TMTC2: variants seen among roughly 807,000 people sequenced by gnomAD.
TMTC2 encodes the protein transmembrane O-mannosyltransferase targeting cadherins 2, also known as protein O-mannosyl-transferase TMTC2.
Under a neutral mutation model 82.4 loss-of-function variants are expected in TMTC2, and 43 were observed. The observed-to-expected ratio is 0.52, with a 90% CI of 0.41 to 0.67. The LOEUF (loss-of-function observed/expected upper bound fraction) is 0.67. TMTC2 is among the 30% of genes least tolerant of loss of function. The pLI is 0.00. For missense variants in TMTC2, 919 were observed against 1,012.4 expected (o/e 0.91, Z 1.25); for synonymous variants, 408 against 381.9 (o/e 1.07, Z -0.80).
Position 82,896,575 on chromosome 12 carries a change from C to T in TMTC2, c.1412C>T (p.Ala471Val), listed in dbSNP as rs776775154. ...TLIVFYGLKT[A>V]IRNGDWQNEE... ...ATTGTTTTTTATGGACTCAAGACTGCGATCAGGAATGGAGACTGGCAGAAT... is the reference window on the plus strand; with the variant it reads ...ATTGTTTTTTATGGACTCAAGACTGTGATCAGGAATGGAGACTGGCAGAAT... Residue 471 changes from alanine to valine, a missense_variant, in exon 3 of 12, where the codon GCG (alanine) becomes GTG (valine). Coordinates refer to ENST00000321196, the MANE Select transcript of TMTC2 (RefSeq NM_152588.3). 1.1e-5 allele frequency: 18 copies of T among 1,613,822 alleles called. No individual in the cohort carries two copies. Among genetic ancestry groups the T allele is most frequent in the Admixed American group, 5.0e-5 (3 of 59,966 alleles).
At chr12:82,803,764 A>G (rs1358708632) in intron 1 of TMTC2, among the ~76,000 whole-genome samples, 8 of 152,108 alleles carry the variant, frequency 5.3e-5, no homozygotes, top group African/African-American at 1.9e-4. Context: ...AAGGGACGCA[A>G]GACACCGGAA....
intron 1 of TMTC2, among the ~76,000 whole-genome samples, chr12:82,856,005 C>T (rs1052011580): frequency 6.6e-6 from 1 of 152,212 alleles, no homozygotes; most frequent in Non-Finnish European, 1.5e-5. Context: ...TTACTGCTCT[C>T]AACTTGTGTG....
chr12:83,098,708 C>T (rs1012381120), intron 11 of TMTC2, among the ~76,000 whole-genome samples: 1 of 152,116 alleles, frequency 6.6e-6, no homozygotes, highest in African/African-American at 2.4e-5. Flanking sequence ...CAAGGGGGAC[C>T]CGACCCCCAC....
intron 3 of TMTC2, among the ~76,000 whole-genome samples, chr12:82,925,897 G>A (rs1875678146): frequency 6.6e-6 from 1 of 151,934 alleles, no homozygotes; most frequent in Admixed American, 6.6e-5. Context: ...ATTTAGAAAT[G>A]ATTAAACTTA....
At chr12:82,993,861 A>C (rs548866771) in intron 8 of TMTC2, among the ~76,000 whole-genome samples, 1 of 152,230 alleles carries the variant, frequency 6.6e-6, no homozygotes, top group South Asian at 2.1e-4. Context: ...ATTGCAAGGG[A>C]GCAATGGGCA....
chr12:82,745,049 ACTC>A (rs904422489), intron 1 of TMTC2, among the ~76,000 whole-genome samples: 14 of 152,002 alleles, frequency 9.2e-5, no homozygotes, highest in African/African-American at 3.1e-4. Context: ...GGATTGAAGA[ACTC>A]CTCAGAATAT....
At chr12:82,861,022 A>G (rs1277135360) in intron 2 of TMTC2, among the ~76,000 whole-genome samples, 1 of 152,244 alleles carries the variant, frequency 6.6e-6, no homozygotes, top group East Asian at 1.9e-4. Flanking sequence ...AACCTTAAAA[A>G]ATAATCATCT....
chr12:82,984,118 C>T (rs1879050599), intron 7 of TMTC2, among the ~76,000 whole-genome samples: 1 of 151,708 alleles, frequency 6.6e-6, no homozygotes, highest in Non-Finnish European at 1.5e-5. Flanking sequence ...TATTTTATTC[C>T]AGTCTTTCAT....
At chr12:82,864,307 A>G (rs995261917) in intron 2 of TMTC2, among the ~76,000 whole-genome samples, 1 of 151,700 alleles carries the variant, frequency 6.6e-6, no homozygotes, top group Non-Finnish European at 1.5e-5. Context: ...TTGCTTGTCC[A>G]TGGAAGGAGC....
At chr12:82,976,115 A>G (rs1437748695) in intron 7 of TMTC2, among the ~76,000 whole-genome samples, 1 of 152,036 alleles carries the variant, frequency 6.6e-6, no homozygotes, top group Non-Finnish European at 1.5e-5. Flanking sequence ...CTCACTCTAT[A>G]CTTTTTGAAA....
At position 83,114,349 on chromosome 12, in the gene TMTC2, G is replaced by C. The variant is rs149325812; in HGVS notation, c.2332-17861G>C. ...CATGCGAAAACATAATCAGGAAGAA[G>C]ATCCTCACCAAGAACCAGGCTATGC... is the stretch of plus-strand genomic sequence containing the variant. On this transcript the variant is annotated intron_variant, in intron 11 of 11. Coordinates refer to ENST00000321196, the MANE Select transcript of TMTC2 (RefSeq NM_152588.3). Among the ~76,000 whole-genome samples, 153 of 152,194 alleles carry C rather than the reference G, an allele frequency of 1.0e-3. 1 individual carries two copies. The highest frequency in any genetic ancestry group is 3.6e-3 in the African/African-American group (150 of 41,538).
chr12:83,124,056 G>T (rs1885034996), intron 11 of TMTC2, among the ~76,000 whole-genome samples: 1 of 152,086 alleles, frequency 6.6e-6, no homozygotes, highest in Non-Finnish European at 1.5e-5. Flanking sequence ...TTACATTGAT[G>T]CATGGATAAC....
chr12:82,735,555 C>T (rs923477857), intron 1 of TMTC2, among the ~76,000 whole-genome samples: 11 of 152,006 alleles, frequency 7.2e-5, no homozygotes, highest in East Asian at 4.0e-4. Context: ...CTGTGTTAGC[C>T]AGGATGGTCT....
rs1491534159 is a variant in TMTC2, at chr12:82,696,963, C to CATATATATATATATATATATATATAT, written c.83+9294_83+9295insATATATATATATATATATATATATAT. Among the ~76,000 whole-genome samples, 482 of 121,244 alleles carry CATATATATATATATATATATATATAT rather than the reference C, an allele frequency of 4.0e-3. 3 individuals are homozygous for CATATATATATATATATATATATATAT. Among genetic ancestry groups the CATATATATATATATATATATATATAT allele is most frequent in the Admixed American group, 0.018 (215 of 11,636 alleles). The allele number at this position is 121,244 out of a possible 152,430, so 79.5% of individuals were successfully genotyped here. A position where few individuals can be genotyped will look rare whatever the true frequency, so the allele number is the denominator to read the frequency against. The stretch of plus-strand genomic sequence containing the variant: ...AGCTCTCTTTCTACATACATACATA[C>CATATATATATATATATATATATATAT]GTATATATATATATATATATGTTTC... On this transcript the variant is annotated intron_variant, in intron 1 of 11. Transcript: ENST00000321196.
intron 11 of TMTC2, among the ~76,000 whole-genome samples, chr12:83,100,398 TTTGA>T (rs1011481086): frequency 6.6e-5 from 10 of 151,662 alleles, no homozygotes; most frequent in East Asian, 3.9e-4. Flanking sequence ...TTTTTTGTTT[TTTGA>T]TTGTTTGTCT....
intron 11 of TMTC2, among the ~76,000 whole-genome samples, chr12:83,102,176 T>A (rs1884241914): frequency 1.3e-5 from 2 of 152,174 alleles, no homozygotes; most frequent in Non-Finnish European, 2.9e-5. Context: ...TCGTTTTGGA[T>A]AGATAGCAAG....
At chr12:82,930,351 G>A in intron 3 of TMTC2, 80 bp from the exon 4 acceptor site, 2 of 688,826 alleles carry the variant, frequency 2.9e-6, no homozygotes, top group Middle Eastern at 3.0e-4. Flanking sequence ...TCTCCCTGTG[G>A]TACTTCCTGA....
chr12:82,803,904 A>C (rs982815166), intron 1 of TMTC2, among the ~76,000 whole-genome samples: 1 of 151,802 alleles, frequency 6.6e-6, no homozygotes, highest in African/African-American at 2.4e-5. Context: ...ATAAACTTCC[A>C]CTCCTACTCT....
chr12:83,098,185 T>C (rs1391957633), intron 11 of TMTC2, among the ~76,000 whole-genome samples: 1 of 152,166 alleles, frequency 6.6e-6, no homozygotes, highest in Non-Finnish European at 1.5e-5. Context: ...AATGGACATA[T>C]TCAGAATAAC....
Sources: allele counts gnomAD v4.1 joint callset (sites outside exome capture counted in the v4.1 genomes callset), GRCh38; gene constraint gnomAD v4.1.1; transcripts MANE v1.5; gene names NCBI Gene and HGNC (gene_info 2026-07-23, HGNC 2026-07-21).